Variants in SORL1-AS1 observed in about 807,000 individuals in gnomAD.
SORL1-AS1 encodes the protein lncRNA 51 A.
At chr11:121,442,668 TA>T (rs1860671043), downstream of SORL1-AS1, among the ~76,000 whole-genome samples, 1 of 136,522 alleles carries the variant, frequency 7.3e-6, no homozygotes, top group Non-Finnish European at 1.5e-5. Context: ...TTTATTTATT[TA>T]TTTATTTATT....
At chr11:121,446,344 G>A (rs967713586), downstream of SORL1-AS1, among the ~76,000 whole-genome samples, 23 of 152,200 alleles carry the variant, frequency 1.5e-4, no homozygotes, top group Admixed American at 1.5e-3. Flanking sequence ...AATCCAGGAA[G>A]AGGTCAAGAA....
In SORL1-AS1 at chr11:121,452,018, G is replaced by C. The variant is rs1006614999; in HGVS notation, n.339+657C>G. ...GAGGTGTGCCCGCCAGGGAAGGGAC[G>C]CACCCCCACCGGCGCTCGCTGCCTT... On this transcript the variant is annotated intron_variant and non_coding_transcript_variant, in intron 1 of 1. Transcript: ENST00000501964. This position sits in a 1 kb window ranked among gnomAD's most constrained non-coding sequence, Gnocchi z 5.3. Among the ~76,000 whole-genome samples the C allele has an allele frequency of 6.6e-6, 1 of 152,150 alleles. No homozygotes were observed. The highest frequency in any genetic ancestry group is 2.4e-5 in the African/African-American group (1 of 41,440).
At chr11:121,442,644 T>C (rs1860670248), downstream of SORL1-AS1, among the ~76,000 whole-genome samples, 1 of 72,804 alleles carries the variant, frequency 1.4e-5, no homozygotes, top group African/African-American at 5.9e-5. Flanking sequence ...CTCTCTCTTT[T>C]ATTTATTTAT....
Position 121,452,269 on chromosome 11 carries a change from C to T in SORL1-AS1, n.339+406G>A. Reference sequence around the variant, plus strand: ...GCGCGGTCCCGGCCCAGCGGCTCTCCTGGCCTCGCGCTGCACATTCTCTCC... The same window carrying T: ...GCGCGGTCCCGGCCCAGCGGCTCTCTTGGCCTCGCGCTGCACATTCTCTCC... On this transcript the variant is annotated intron_variant and non_coding_transcript_variant, in intron 1 of 1. Transcript: ENST00000501964. This position sits in a 1 kb window ranked among gnomAD's most constrained non-coding sequence, Gnocchi z 5.3. 1 of 1,348,402 alleles carries T rather than the reference C, an allele frequency of 7.4e-7. No individual in the cohort carries two copies. The highest frequency in any genetic ancestry group is 9.7e-7 in the Non-Finnish European group (1 of 1,034,166). 83.5% of individuals were successfully genotyped at this position (1,348,402 alleles called of 1,614,324 possible). A position where few individuals can be genotyped will look rare whatever the true frequency, so the allele number is the denominator to read the frequency against.
rs1447152010 is a variant in SORL1-AS1, at chr11:121,452,752, C to T, written n.262G>A. The T allele has an allele frequency of 1.4e-6, 1 of 716,330 alleles. No homozygotes were observed. Among genetic ancestry groups the T allele is most frequent in the Non-Finnish European group, 2.1e-6 (1 of 479,286 alleles). 44.4% of individuals were successfully genotyped at this position (716,330 alleles called of 1,614,324 possible). On this transcript the variant is annotated non_coding_transcript_exon_variant, in exon 1 of 2. Coordinates refer to ENST00000501964, the Ensembl canonical transcript of SORL1-AS1. The surrounding 1 kb of genome is among the most constrained non-coding windows in gnomAD (Gnocchi z 5.3). ...TTCCCGGCTTGCATTTGTTTTTTTC[C>T]TTCACGAGTACAACCGTCAGCACTT...
rs751430454 is a variant in SORL1-AS1 at position 121,452,524 on chromosome 11, G to A, written n.339+151C>T. ...CGAGCTGCGGCTGTGGGCGCGCGGG[G>A]ATGCCAGGGGGGCGAGCCGCGCGGA... On this transcript the variant is annotated intron_variant and non_coding_transcript_variant, in intron 1 of 1. Coordinates refer to ENST00000501964, the Ensembl canonical transcript of SORL1-AS1. The surrounding 1 kb of genome is among the most constrained non-coding windows in gnomAD (Gnocchi z 5.3). 1 of 1,481,034 alleles carries A rather than the reference G, an allele frequency of 6.8e-7. No homozygotes were observed. The highest frequency in any genetic ancestry group is 1.5e-5 in the African/African-American group (1 of 68,454). The allele number at this position is 1,481,034 out of a possible 1,614,324, so 91.7% of individuals were successfully genotyped here.
At chr11:121,449,380 T>G (rs1860761504) in exon 2 of SORL1-AS1, 1 of 152,140 alleles carries the variant, frequency 6.6e-6, no homozygotes, top group Non-Finnish European at 1.5e-5. Flanking sequence ...CAGAGCTGGT[T>G]TTGAAGCTGA....
chr11:121,452,341 C>T lies in SORL1-AS1; in HGVS notation n.339+334G>A, dbSNP rs1179499363. 7 of 1,546,428 alleles carry T rather than the reference C, an allele frequency of 4.5e-6. 1 individual carries two copies. Among genetic ancestry groups the T allele is most frequent in the South Asian group, 2.4e-5 (2 of 83,286 alleles). ...TAGCGTTCGCCCGAACATGGCGACA[C>T]GGAGCAGCAGGAGGGAGTCGCGACT... On this transcript the variant is annotated intron_variant and non_coding_transcript_variant, in intron 1 of 1. Coordinates refer to ENST00000501964, the Ensembl canonical transcript of SORL1-AS1. This position sits in a 1 kb window ranked among gnomAD's most constrained non-coding sequence, Gnocchi z 5.3.
downstream of SORL1-AS1, among the ~76,000 whole-genome samples, chr11:121,443,476 C>T (rs1034699321): frequency 1.3e-5 from 2 of 152,350 alleles, no homozygotes; most frequent in African/African-American, 4.8e-5. Flanking sequence ...CTCTCCTGTT[C>T]CATTGATGCT....
At chr11:121,438,606 C>T in the SORL1-AS1 span, among the ~76,000 whole-genome samples, 2 of 151,722 alleles carry the variant, frequency 1.3e-5, no homozygotes, top group Non-Finnish European at 2.9e-5. Flanking sequence ...GATTCATCTA[C>T]GTTGTTGTAT....
downstream of SORL1-AS1, among the ~76,000 whole-genome samples, chr11:121,446,764 A>G (rs1860730344): frequency 1.3e-5 from 2 of 152,056 alleles, no homozygotes; most frequent in South Asian, 4.2e-4. Context: ...GAAAAAAAAA[A>G]AAAAAAGGAA....
At position 121,452,360 on chromosome 11, in the gene SORL1-AS1, C is replaced by T. The variant is rs775717593; in HGVS notation, n.339+315G>A. The T allele has an allele frequency of 1.2e-5, 18 of 1,553,424 alleles. No homozygotes were observed. In the South Asian group the frequency reaches 1.7e-4, roughly 14 times the overall value. On this transcript the variant is annotated intron_variant and non_coding_transcript_variant, in intron 1 of 1. Coordinates refer to ENST00000501964, the Ensembl canonical transcript of SORL1-AS1. This position sits in a 1 kb window ranked among gnomAD's most constrained non-coding sequence, Gnocchi z 5.3. ...GCGACACGGAGCAGCAGGAGGGAGT[C>T]GCGACTCCCGTTCCTATTCACCCTG...
chr11:121,452,766 C>A lies in SORL1-AS1; in HGVS notation n.248G>T. 1.6e-6 allele frequency: 1 copy of A among 626,914 alleles called. No homozygotes were observed. Among genetic ancestry groups the A allele is most frequent in the Non-Finnish European group, 2.5e-6 (1 of 399,342 alleles). 38.8% of individuals were successfully genotyped at this position (626,914 alleles called of 1,614,324 possible). Reference sequence around the variant, plus strand: ...TTGTTTTTTTCCTTCACGAGTACAACCGTCAGCACTTGAATCGCATTGATC... The same window carrying A: ...TTGTTTTTTTCCTTCACGAGTACAAACGTCAGCACTTGAATCGCATTGATC... On this transcript the variant is annotated non_coding_transcript_exon_variant, in exon 1 of 2. Coordinates refer to ENST00000501964, the Ensembl canonical transcript of SORL1-AS1. This position sits in a 1 kb window ranked among gnomAD's most constrained non-coding sequence, Gnocchi z 5.3.
At chr11:121,443,587 C>T (rs569339780), downstream of SORL1-AS1, among the ~76,000 whole-genome samples, 20 of 152,256 alleles carry the variant, frequency 1.3e-4, no homozygotes, top group African/African-American at 4.3e-4. Flanking sequence ...TAACTTTAAT[C>T]CATGCTAGGG....
Position 121,452,557 on chromosome 11 carries a change from C to T in SORL1-AS1, n.339+118G>A. 1 of 1,510,110 alleles carries T rather than the reference C, an allele frequency of 6.6e-7. No homozygotes were observed. Among genetic ancestry groups the T allele is most frequent in the Non-Finnish European group, 8.8e-7 (1 of 1,136,164 alleles). 93.5% of individuals were successfully genotyped at this position (1,510,110 alleles called of 1,614,324 possible). A position where few individuals can be genotyped will look rare whatever the true frequency, so the allele number is the denominator to read the frequency against. On this transcript the variant is annotated intron_variant and non_coding_transcript_variant, in intron 1 of 1. Coordinates refer to ENST00000501964, the Ensembl canonical transcript of SORL1-AS1. The surrounding 1 kb of genome is among the most constrained non-coding windows in gnomAD (Gnocchi z 5.3). ...GGGGGCGAGCCGCGCGGACGAGAAGCCGCTCCGGAGGAAACGGAGCGCTGC... is the reference window on the plus strand; with the variant it reads ...GGGGGCGAGCCGCGCGGACGAGAAGTCGCTCCGGAGGAAACGGAGCGCTGC...
chr11:121,447,013 G>C (rs1427289694), downstream of SORL1-AS1, among the ~76,000 whole-genome samples: 1 of 152,178 alleles, frequency 6.6e-6, no homozygotes, highest in Non-Finnish European at 1.5e-5. Flanking sequence ...ATTACACGGG[G>C]ATATTCAAAT....
Position 121,452,312 on chromosome 11 carries a change from G to T in SORL1-AS1, n.339+363C>A. On this transcript the variant is annotated intron_variant and non_coding_transcript_variant, in intron 1 of 1. Coordinates refer to ENST00000501964, the Ensembl canonical transcript of SORL1-AS1. This position sits in a 1 kb window ranked among gnomAD's most constrained non-coding sequence, Gnocchi z 5.3. Reference sequence around the variant, plus strand: ...TTCTCTCCTGGCGGCGGCGCCACCTGCAGTAGCGTTCGCCCGAACATGGCG... The same window carrying T: ...TTCTCTCCTGGCGGCGGCGCCACCTTCAGTAGCGTTCGCCCGAACATGGCG... 6.6e-7 allele frequency: 1 copy of T among 1,512,048 alleles called. No individual in the cohort carries two copies. Among genetic ancestry groups the T allele is most frequent in the Non-Finnish European group, 8.8e-7 (1 of 1,133,190 alleles). The allele number at this position is 1,512,048 out of a possible 1,614,324, so 93.7% of individuals were successfully genotyped here.
chr11:121,440,926 C>CTAACT, the SORL1-AS1 span, among the ~76,000 whole-genome samples: 1 of 152,164 alleles, frequency 6.6e-6, no homozygotes, highest in Admixed American at 6.5e-5. Flanking sequence ...TTTTCTCTTG[C>CTAACT]TAACTTGTCT....
the SORL1-AS1 span, among the ~76,000 whole-genome samples, chr11:121,438,302 A>C: frequency 1.3e-5 from 2 of 152,150 alleles, no homozygotes; most frequent in African/African-American, 4.8e-5. Flanking sequence ...CCTTTATTTT[A>C]ATTTATTTTT....
Sources: gnomAD v4.1 joint callset for allele counts (sites outside exome capture counted in the v4.1 genomes callset) on GRCh38, gnomAD v4.1.1 for gene constraint, Gnocchi (gnomAD v3.1) non-coding constraint, MANE v1.5 for transcripts, NCBI Gene and HGNC (gene_info 2026-07-23, HGNC 2026-07-21) for gene names.